Variants in PDC observed in about 807,000 individuals in gnomAD.
PDC encodes the protein phosducin.
PDC carries 19 observed loss-of-function variants against 22.2 expected under a neutral mutation model. The ratio of observed to expected loss-of-function variants is 0.86; its 90% confidence interval spans 0.60 to 1.26. The LOEUF is 1.26. PDC is among the 50% of genes most tolerant of loss of function. The pLI is 0.00. For missense variants in PDC, 274 were observed against 286.8 expected, an observed-to-expected ratio of 0.96 and a Z score of 0.32; for synonymous variants, 97 against 96.2, an observed-to-expected ratio of 1.01 and a Z score of -0.05.
At chr1:186,453,833 CTG>C (rs150330017) in intron 1 of PDC, among the ~76,000 whole-genome samples, 6,991 of 152,184 alleles carry the variant, frequency 0.046, 519 homozygotes, top group African/African-American at 0.16. Context: ...ATTGTAGACT[CTG>C]AGAGATTGAG....
intron 2 of PDC, among the ~76,000 whole-genome samples, chr1:186,447,800 A>G (rs1033328900): frequency 6.6e-6 from 1 of 152,126 alleles, no homozygotes; most frequent in African/African-American, 2.4e-5. Context: ...TGTTCATATC[A>G]ATATTTTAGA....
At chr1:186,452,378 C>T (rs1481657371) in intron 1 of PDC, among the ~76,000 whole-genome samples, 1 of 152,144 alleles carries the variant, frequency 6.6e-6, no homozygotes, top group East Asian at 1.9e-4. Context: ...GCTGGGATTA[C>T]AGGCATGGGC....
rs187579147 is a variant in PDC, at chr1:186,453,830, A to T, written c.-24-4347T>A. Among the ~76,000 whole-genome samples the T allele has an allele frequency of 6.6e-5, 10 of 150,776 alleles. No homozygotes were observed. In the East Asian group the frequency reaches 1.7e-3, roughly 26 times the overall value. On this transcript the variant is annotated intron_variant, in intron 1 of 3. Coordinates refer to ENST00000391997, the MANE Select transcript of PDC (RefSeq NM_002597.5). ...CTTGTTTTTCAGAGGTGAATTGTAG[A>T]CTCTGAGAGATTGAGTGACTTGCCA... is the stretch of plus-strand genomic sequence containing the variant.
At chr1:186,455,014 A>G (rs945149933) in intron 1 of PDC, among the ~76,000 whole-genome samples, 4 of 152,194 alleles carry the variant, frequency 2.6e-5, no homozygotes, top group Admixed American at 6.5e-5. Context: ...CCACTCTTCT[A>G]TTTGTCAGAA....
chr1:186,454,168 C>CTTTTTTT (rs397860509), intron 1 of PDC, among the ~76,000 whole-genome samples: 30 of 94,212 alleles, frequency 3.2e-4, no homozygotes, highest in African/African-American at 5.7e-4. Context: ...TCTTTTCTTT[C>CTTTTTTT]TTTTTTTTTT....
intron 1 of PDC, among the ~76,000 whole-genome samples, chr1:186,454,171 T>TC (rs1372819596): frequency 7.5e-5 from 10 of 132,530 alleles, no homozygotes; most frequent in East Asian, 4.0e-4. Context: ...TTTCTTTCTT[T>TC]TTTTTTTTTT....
In PDC at chr1:186,451,606, A is replaced by C. The variant is rs527302578; in HGVS notation, c.-24-2123T>G. The C allele has an allele frequency of 3.9e-5, 6 of 152,292 alleles. No individual in the cohort carries two copies. The East Asian group carries it at 1.2e-3, about 29-fold the overall frequency. The allele number at this position is 152,292 out of a possible 1,614,324, so 9.4% of individuals were successfully genotyped here. On this transcript the variant is annotated intron_variant, in intron 1 of 3. Transcript: ENST00000391997. ...CAGTAAATATACATAAGTTCAAGAAAATCTAAAAATAATTTTATTTCAGAT... is the reference window on the plus strand; with the variant it reads ...CAGTAAATATACATAAGTTCAAGAACATCTAAAAATAATTTTATTTCAGAT...
intron 3 of PDC, among the ~76,000 whole-genome samples, 196 bp from the exon 4 acceptor site, chr1:186,444,702 A>G (rs1439123676): frequency 6.6e-6 from 1 of 151,860 alleles, no homozygotes; most frequent in Admixed American, 6.6e-5. Flanking sequence ...TGATTACTTT[A>G]CCTAAAAAGG....
intron 1 of PDC, among the ~76,000 whole-genome samples, chr1:186,459,301 G>C (rs955736866): frequency 1.3e-5 from 2 of 151,948 alleles, no homozygotes; most frequent in African/African-American, 2.4e-5. Flanking sequence ...AGCCTGCCGA[G>C]TGCCTGCGAT....
At chr1:186,445,060 T>C (rs567819483) in intron 3 of PDC, among the ~76,000 whole-genome samples, 1 of 152,308 alleles carries the variant, frequency 6.6e-6, no homozygotes, top group Non-Finnish European at 1.5e-5. Flanking sequence ...AATTCCATTT[T>C]CTAAGATAGC....
chr1:186,447,933 C>T (rs1662270120), intron 2 of PDC, among the ~76,000 whole-genome samples: 1 of 151,896 alleles, frequency 6.6e-6, no homozygotes, highest in African/African-American at 2.4e-5. Context: ...CTTGTTTTTT[C>T]TGTTTCATAC....
intron 1 of PDC, among the ~76,000 whole-genome samples, chr1:186,458,288 C>A (rs1445196285): frequency 8.7e-5 from 9 of 103,326 alleles, no homozygotes; most frequent in South Asian, 6.9e-4. Context: ...ACTTTTAATA[C>A]AAAATAAAAA....
rs1662165022 is a variant in PDC, at chr1:186,444,076, C to G, written c.644G>C (p.Gly215Ala). 6.2e-7 allele frequency: 1 copy of G among 1,613,730 alleles called. No individual in the cohort carries two copies. The change falls in exon 4 of 4, where the codon GGG becomes GCG. Residue 215 changes from glycine (G) to alanine (A), a missense_variant. By Grantham distance (60) the Gly-to-Ala change is moderately conservative. Coordinates refer to ENST00000391997, the MANE Select transcript of PDC (RefSeq NM_002597.5). ...TTCATTTAGGAAAGACTCCACATCC[C>G]CAGCAAAAAATTCTTCAGCAAACTG... ...AEQFAEEFFA[G>A]DVESFLNEYG...
In PDC at chr1:186,446,786, A is replaced by G. The variant is rs145296511; in HGVS notation, c.62-209T>C. 6.6e-5 allele frequency among the ~76,000 whole-genome samples: 10 copies of G among 152,342 alleles called. No individual in the cohort carries two copies. In the East Asian group the frequency reaches 1.9e-3, roughly 29 times the overall value. On this transcript the variant is annotated intron_variant, in intron 2 of 3. Coordinates refer to ENST00000391997, the MANE Select transcript of PDC (RefSeq NM_002597.5). ...CTTGTTAAATGGGTTTTGGTAAAGG[A>G]TATTTCGGAAACATTTGTACTAATG... is the stretch of plus-strand genomic sequence containing the variant.
chr1:186,459,752 G>GTGTATATATA lies in PDC; in HGVS notation c.-25+1306_-25+1307insTATATATACA, dbSNP rs1299957095. Among the ~76,000 whole-genome samples, 286 of 112,056 alleles carry GTGTATATATA rather than the reference G, an allele frequency of 2.6e-3. 3 individuals carry two copies. Among genetic ancestry groups the GTGTATATATA allele is most frequent in the African/African-American group, 7.9e-3 (248 of 31,486 alleles). 73.5% of individuals were successfully genotyped at this position (112,056 alleles called of 152,430 possible). On this transcript the variant is annotated intron_variant, in intron 1 of 3. Transcript: ENST00000391997. ...TACAATGGACAATATGTGTGTGTGTGTATATATATATATATATATATATAT... is the reference window on the plus strand; with the variant it reads ...TACAATGGACAATATGTGTGTGTGTGTGTATATATATATATATATATATATATATATATAT...
At chr1:186,447,290 A>G (rs940756555) in intron 2 of PDC, among the ~76,000 whole-genome samples, 1 of 152,070 alleles carries the variant, frequency 6.6e-6, no homozygotes, top group Non-Finnish European at 1.5e-5. Context: ...CTGGGACTAC[A>G]GGCGCATACC....
At chr1:186,456,857 G>C (rs1024173235) in intron 1 of PDC, among the ~76,000 whole-genome samples, 3 of 152,214 alleles carry the variant, frequency 2.0e-5, no homozygotes, top group African/African-American at 7.2e-5. Context: ...AATTTAGTAA[G>C]TTATCTATCT....
intron 1 of PDC, among the ~76,000 whole-genome samples, chr1:186,460,579 T>C (rs1662562264): frequency 6.6e-6 from 1 of 152,154 alleles, no homozygotes; most frequent in Non-Finnish European, 1.5e-5. Context: ...GAAAACAACA[T>C]AGTATACACA....
chr1:186,447,001 A>G (rs889317460), intron 2 of PDC, among the ~76,000 whole-genome samples: 1 of 152,204 alleles, frequency 6.6e-6, no homozygotes, highest in East Asian at 1.9e-4. Context: ...TTGGGGAAAC[A>G]AAATAACAAT....
Sources: gnomAD v4.1 joint callset for allele counts (sites outside exome capture counted in the v4.1 genomes callset) on GRCh38, gnomAD v4.1.1 for gene constraint, MANE v1.5 for transcripts, NCBI Gene and HGNC (gene_info 2026-07-23, HGNC 2026-07-21) for gene names.